METTL8: variants seen among roughly 807,000 people sequenced by gnomAD.
METTL8 encodes the protein tRNA N(3)-cytidine methyltransferase METTL8, mitochondrial.
In METTL8, 32 loss-of-function variants were observed where a neutral mutation model predicts 48.7. The observed-to-expected ratio is 0.66, with a 90% CI of 0.50 to 0.88. METTL8 has a LOEUF of 0.88. Ranked by LOEUF, METTL8 falls within the 40% of genes least tolerant of loss-of-function variation. The pLI, the probability that METTL8 is intolerant of heterozygous loss-of-function variation, is 0.00. For missense variants in METTL8, 464 were observed against 474.4 expected, an observed-to-expected ratio of 0.98 and a Z score of 0.20; for synonymous variants, 136 against 157.1, an observed-to-expected ratio of 0.87 and a Z score of 1.01.
In METTL8 at chr2:171,324,292, T is replaced by G. The variant is rs186646930; in HGVS notation, c.1104A>C (p.Gln368His). Residue 368 changes from glutamine (Q) to histidine (H), a missense_variant, in exon 10 of 10, where the codon CAA becomes CAC. By Grantham distance (24) the Gln-to-His change is conservative. Transcript: ENST00000375258. Reference sequence around the variant, plus strand: ...TTTTCACTTGTTTTTTCCTATTAACTTGTAAGCGGCGATCAACCAGATTTT... The same window carrying G: ...TTTTCACTTGTTTTTTCCTATTAACGTGTAAGCGGCGATCAACCAGATTTT... ...EKQNLVDRRL[Q>H]VNRKKQVKMH... The G allele has an allele frequency of 6.4e-7, 1 of 1,551,674 alleles. No homozygotes were observed. The highest frequency in any genetic ancestry group is 2.0e-5 in the Admixed American group (1 of 51,006).
intron 1 of METTL8, among the ~76,000 whole-genome samples, chr2:171,399,169 T>A (rs970228943): frequency 6.6e-6 from 1 of 152,128 alleles, no homozygotes; most frequent in African/African-American, 2.4e-5. Flanking sequence ...TTTAGGGCCA[T>A]GCCCCTATGA....
rs1348006127 is a variant in METTL8 at position 171,319,205 on chromosome 2, A to T, written c.*4967T>A. ...TACTGCCTTGTAGATTAATAACAAT[A>T]CCTCACATATATTTAATGCTCTAGA... is the stretch of plus-strand genomic sequence containing the variant. On this transcript the variant is annotated 3_prime_UTR_variant, in exon 10 of 10. Coordinates refer to ENST00000375258, the MANE Select transcript of METTL8 (RefSeq NM_001321154.2). 6.6e-6 allele frequency: 1 copy of T among 152,120 alleles called. No homozygotes were observed. The highest frequency in any genetic ancestry group is 1.5e-5 in the Non-Finnish European group (1 of 68,014). 9.4% of individuals were successfully genotyped at this position (152,120 alleles called of 1,614,324 possible).
chr2:171,347,773 A>G (rs940331929), intron 3 of METTL8, among the ~76,000 whole-genome samples: 3 of 152,214 alleles, frequency 2.0e-5, no homozygotes, highest in African/African-American at 7.2e-5. Flanking sequence ...CTGCAAAGGA[A>G]TGCAATATTG....
chr2:171,392,979 C>T (rs544771486), intron 1 of METTL8, among the ~76,000 whole-genome samples: 4 of 151,708 alleles, frequency 2.6e-5, no homozygotes, highest in Non-Finnish European at 5.9e-5. Context: ...GATGTGAATT[C>T]CTGTAATCCC....
At chr2:171,403,935 G>A (rs190206659) in intron 1 of METTL8, among the ~76,000 whole-genome samples, 14 of 150,330 alleles carry the variant, frequency 9.3e-5, no homozygotes, top group Non-Finnish European at 1.8e-4. Flanking sequence ...AGAGCAAGAT[G>A]ATGAGATCTG....
chr2:171,399,434 A>G (rs895836592), intron 1 of METTL8, among the ~76,000 whole-genome samples: 1 of 152,186 alleles, frequency 6.6e-6, no homozygotes, highest in African/African-American at 2.4e-5. Flanking sequence ...ACTTGGGTTC[A>G]GCATACATAG....
At chr2:171,407,620 A>T (rs1429644847) in intron 1 of METTL8, among the ~76,000 whole-genome samples, 2 of 152,252 alleles carry the variant, frequency 1.3e-5, no homozygotes, top group African/African-American at 4.8e-5. Context: ...GAAAGTCATT[A>T]TAATAGATCT....
intron 1 of METTL8, among the ~76,000 whole-genome samples, chr2:171,402,828 C>T (rs911684623): frequency 6.6e-6 from 1 of 151,992 alleles, no homozygotes; most frequent in African/African-American, 2.4e-5. Context: ...TAAGGAAGTG[C>T]ACACACATAC....
chr2:171,356,960 T>TTTTTTTTTTTTTTC (rs1559101921), intron 3 of METTL8, among the ~76,000 whole-genome samples: 5 of 123,626 alleles, frequency 4.0e-5, no homozygotes, highest in African/African-American at 1.5e-4. Flanking sequence ...ATATTTTTTT[T>TTTTTTTTTTTTTTC]TTTTTTTTTG....
intron 2 of METTL8, among the ~76,000 whole-genome samples, chr2:171,387,437 G>A (rs1688172916): frequency 6.6e-6 from 1 of 152,054 alleles, no homozygotes; most frequent in African/African-American, 2.4e-5. Context: ...GGCTGAGGCA[G>A]GAGAATTGCT....
intron 3 of METTL8, among the ~76,000 whole-genome samples, chr2:171,354,691 C>T (rs187429853): frequency 0.045 from 6,836 of 152,232 alleles, 218 homozygotes; most frequent in South Asian, 0.13. Context: ...CTTCTCTTTT[C>T]GCTTCATTTC....
intron 2 of METTL8, among the ~76,000 whole-genome samples, chr2:171,377,254 A>T (rs1229489550): frequency 6.6e-6 from 1 of 152,240 alleles, no homozygotes; most frequent in Non-Finnish European, 1.5e-5. Context: ...CTAGAAGATA[A>T]CATCGGAAAA....
At chr2:171,351,658 C>T (rs1047610983) in intron 3 of METTL8, among the ~76,000 whole-genome samples, 1 of 152,156 alleles carries the variant, frequency 6.6e-6, no homozygotes, top group East Asian at 1.9e-4. Flanking sequence ...GTTGGTAGTT[C>T]TCCTTGAAGA....
At chr2:171,389,457 G>A (rs1427729855) in intron 2 of METTL8, among the ~76,000 whole-genome samples, 1 of 130,334 alleles carries the variant, frequency 7.7e-6, no homozygotes, top group South Asian at 2.5e-4. Context: ...TGAAGGTTCA[G>A]TGAACCGTGA....
rs1684335175 is a variant in METTL8, at chr2:171,317,796, C to T, written c.*6376G>A. On this transcript the variant is annotated 3_prime_UTR_variant, in exon 10 of 10. Coordinates refer to ENST00000375258, the MANE Select transcript of METTL8 (RefSeq NM_001321154.2). ...AGCTGAGGGTGGGCTGTCTGACCAT[C>T]TGGAGATTTCAGTGTGCTCCATCCA... 1 of 152,234 alleles carries T rather than the reference C, an allele frequency of 6.6e-6. No homozygotes were observed. The highest frequency in any genetic ancestry group is 1.5e-5 in the Non-Finnish European group (1 of 68,082). The allele number at this position is 152,234 out of a possible 1,614,324, so 9.4% of individuals were successfully genotyped here. A position where few individuals can be genotyped will look rare whatever the true frequency, so the allele number is the denominator to read the frequency against.
At chr2:171,351,551 G>A (rs145116281) in intron 3 of METTL8, among the ~76,000 whole-genome samples, 15,217 of 152,148 alleles carry the variant, frequency 0.1, 992 homozygotes, top group Middle Eastern at 0.19. Flanking sequence ...AATTACCTTG[G>A]GCAGTATGGC....
chr2:171,413,299 T>C (rs908773142), intron 1 of METTL8, among the ~76,000 whole-genome samples: 2 of 152,192 alleles, frequency 1.3e-5, no homozygotes, highest in African/African-American at 2.4e-5. Flanking sequence ...TTCTAACCAC[T>C]TATAAAATAT....
At chr2:171,384,952 T>A (rs1006250049) in intron 2 of METTL8, among the ~76,000 whole-genome samples, 54 of 151,892 alleles carry the variant, frequency 3.6e-4, no homozygotes, top group African/African-American at 1.3e-3. Flanking sequence ...AGAAACTAAA[T>A]AAAAAAGAGT....
chr2:171,412,525 G>A (rs1360667193), intron 1 of METTL8, among the ~76,000 whole-genome samples: 1 of 151,736 alleles, frequency 6.6e-6, no homozygotes, highest in Non-Finnish European at 1.5e-5. Context: ...CCCCCTTTAG[G>A]CAGTCTTCAA....
Sources: allele counts gnomAD v4.1 joint callset (sites outside exome capture counted in the v4.1 genomes callset), GRCh38; gene constraint gnomAD v4.1.1; transcripts MANE v1.5; gene names NCBI Gene and HGNC (gene_info 2026-07-23, HGNC 2026-07-21).